PRKCA: variants seen among roughly 807,000 people sequenced by gnomAD.
PRKCA encodes the protein protein kinase C alpha.
A neutral mutation model predicts 87.0 loss-of-function variants in PRKCA; 27 were observed. That is an observed-to-expected ratio of 0.31 (90% confidence interval 0.23 to 0.43). The LOEUF is 0.43. Ranked by LOEUF, PRKCA falls within the 20% of genes least tolerant of loss-of-function variation. The pLI is 1.00. For missense variants in PRKCA, 518 were observed against 852.3 expected (o/e 0.61, Z 4.88); for synonymous variants, 329 against 311.1 (o/e 1.06, Z -0.61).
At chr17:66,671,511 G>T (rs1314142668) in intron 5 of PRKCA, among the ~76,000 whole-genome samples, 1 of 152,148 alleles carries the variant, frequency 6.6e-6, no homozygotes, top group African/African-American at 2.4e-5. Flanking sequence ...TATCAGGTAC[G>T]TACTTGTGGG....
At chr17:66,785,589 C>T (rs1230326231) in intron 14 of PRKCA, among the ~76,000 whole-genome samples, 1 of 152,184 alleles carries the variant, frequency 6.6e-6, no homozygotes, top group Admixed American at 6.5e-5. Flanking sequence ...TGCCATCCCG[C>T]CAGAGTGACC....
chr17:66,369,340 A>G (rs1908957735), intron 2 of PRKCA, among the ~76,000 whole-genome samples: 1 of 152,124 alleles, frequency 6.6e-6, no homozygotes, highest in African/African-American at 2.4e-5. Flanking sequence ...GTCTGGTTCC[A>G]AAATTCCCTC....
intron 2 of PRKCA, among the ~76,000 whole-genome samples, chr17:66,478,955 A>G (rs1163476863): frequency 1.3e-5 from 2 of 152,240 alleles, no homozygotes; most frequent in Non-Finnish European, 2.9e-5. Context: ...CATTGAGGAC[A>G]TAGGCATGGG....
At chr17:66,649,810 TTAAATACCAAG>T (rs1971544782) in intron 5 of PRKCA, among the ~76,000 whole-genome samples, 1 of 152,014 alleles carries the variant, frequency 6.6e-6, no homozygotes, top group Non-Finnish European at 1.5e-5. Flanking sequence ...CCAAGTAAAA[TTAAATACCAAG>T]TACATGGTGA....
intron 3 of PRKCA, among the ~76,000 whole-genome samples, chr17:66,544,190 C>T (rs1327379024): frequency 6.6e-6 from 1 of 152,094 alleles, no homozygotes; most frequent in Non-Finnish European, 1.5e-5. Flanking sequence ...GACCACTGCA[C>T]TGCAGCCTGG....
chr17:66,507,268 T>C (rs1228492692), intron 3 of PRKCA, among the ~76,000 whole-genome samples: 1 of 152,218 alleles, frequency 6.6e-6, no homozygotes, highest in Non-Finnish European at 1.5e-5. Flanking sequence ...TTGTTCCCAT[T>C]GTACAGATGT....
intron 3 of PRKCA, among the ~76,000 whole-genome samples, chr17:66,530,936 T>C (rs1017831575): frequency 6.6e-6 from 1 of 152,184 alleles, no homozygotes; most frequent in Non-Finnish European, 1.5e-5. Flanking sequence ...TCTTATACCC[T>C]GGGGGCCTCC....
intron 5 of PRKCA, among the ~76,000 whole-genome samples, chr17:66,655,045 C>A (rs1482378487): frequency 6.6e-6 from 1 of 152,220 alleles, no homozygotes; most frequent in East Asian, 1.9e-4. Context: ...ATCTAGCAGT[C>A]ACCTGCCTTG....
intron 2 of PRKCA, among the ~76,000 whole-genome samples, chr17:66,456,680 G>A (rs1914588342): frequency 6.6e-6 from 1 of 152,212 alleles, no homozygotes; most frequent in African/African-American, 2.4e-5. Context: ...TGCGAGGCAA[G>A]TGAATGAAAT....
intron 2 of PRKCA, among the ~76,000 whole-genome samples, chr17:66,402,378 G>A (rs1911084400): frequency 6.7e-6 from 1 of 149,812 alleles, no homozygotes; most frequent in Admixed American, 6.7e-5. Context: ...AGGAAACTTA[G>A]AAGGAAAGAG....
At chr17:66,667,019 C>G (rs2143931040) in intron 5 of PRKCA, among the ~76,000 whole-genome samples, 1 of 152,244 alleles carries the variant, frequency 6.6e-6, no homozygotes, top group South Asian at 2.1e-4. Context: ...TAGAGATTTC[C>G]CTGTCCAGCC....
At chr17:66,323,821 T>C (rs1226854878) in intron 2 of PRKCA, among the ~76,000 whole-genome samples, 1 of 152,062 alleles carries the variant, frequency 6.6e-6, no homozygotes, top group Non-Finnish European at 1.5e-5. Flanking sequence ...ATTCCTGTAA[T>C]CCCAGCTACT....
At chr17:66,343,333 T>C (rs1030010437) in intron 2 of PRKCA, among the ~76,000 whole-genome samples, 1 of 152,242 alleles carries the variant, frequency 6.6e-6, no homozygotes, top group African/African-American at 2.4e-5. Flanking sequence ...GCTTTTTCTC[T>C]ATCACTTTCT....
chr17:66,421,130 A>T (rs1912467859), intron 2 of PRKCA, among the ~76,000 whole-genome samples: 1 of 152,100 alleles, frequency 6.6e-6, no homozygotes, highest in African/African-American at 2.4e-5. Flanking sequence ...TGCTTGCCTG[A>T]TAAAATGCTT....
intron 5 of PRKCA, among the ~76,000 whole-genome samples, chr17:66,669,347 C>T (rs530892946): frequency 4.6e-5 from 7 of 152,038 alleles, no homozygotes; most frequent in Admixed American, 3.9e-4. Context: ...ATCAAATCAG[C>T]GCTGTGCAAG....
intron 3 of PRKCA, among the ~76,000 whole-genome samples, chr17:66,566,491 T>TTTTTTTTTTTTTTG (rs1968902203): frequency 6.7e-6 from 1 of 149,344 alleles, no homozygotes; most frequent in African/African-American, 2.5e-5. Context: ...TTTTTTTTTT[T>TTTTTTTTTTTTTTG]TTTTTTTTTT....
chr17:66,387,483 G>A (rs1205558383), intron 2 of PRKCA, among the ~76,000 whole-genome samples: 1 of 152,212 alleles, frequency 6.6e-6, no homozygotes, highest in Non-Finnish European at 1.5e-5. Flanking sequence ...TCTGGAATTA[G>A]TGATGCATCT....
intron 2 of PRKCA, among the ~76,000 whole-genome samples, chr17:66,355,243 C>G (rs995735985): frequency 7.2e-5 from 11 of 152,184 alleles, no homozygotes; most frequent in Non-Finnish European, 1.5e-4. Context: ...CTTAAGCTGG[C>G]AGCCAACCCA....
At chr17:66,695,871 T>A (rs2144069073) in intron 8 of PRKCA, among the ~76,000 whole-genome samples, 1 of 152,326 alleles carries the variant, frequency 6.6e-6, no homozygotes, top group Non-Finnish European at 1.5e-5. Context: ...TATTACTCAT[T>A]TGAGTATCAG....
Sources: gnomAD v4.1 joint callset for allele counts (sites outside exome capture counted in the v4.1 genomes callset) on GRCh38, gnomAD v4.1.1 for gene constraint, MANE v1.5 for transcripts, NCBI Gene and HGNC (gene_info 2026-07-23, HGNC 2026-07-21) for gene names.